Variants in SP4 observed in about 807,000 individuals in gnomAD.
The protein encoded by SP4 is transcription factor Sp4.
A neutral mutation model predicts 72.8 loss-of-function variants in SP4; 19 were observed. That is an observed-to-expected ratio of 0.26 (90% CI 0.18 to 0.38). SP4 has a LOEUF of 0.38. SP4 is among the 10% of genes least tolerant of loss of function. The pLI is 1.00. For synonymous variants in SP4, 395 were observed against 333.1 expected (o/e 1.19, Z -2.02); for missense variants, 1,008 against 926.3 (o/e 1.09, Z -1.14).
intron 3 of SP4, among the ~76,000 whole-genome samples, chr7:21,472,642 T>TA (rs1315607307): frequency 6.6e-6 from 1 of 151,474 alleles, no homozygotes; most frequent in Non-Finnish European, 1.5e-5. Flanking sequence ...GTGCTGATTT[T>TA]AAAAAATTGC....
At chr7:21,460,468 G>A (rs995336059) in intron 3 of SP4, among the ~76,000 whole-genome samples, 1 of 151,926 alleles carries the variant, frequency 6.6e-6, no homozygotes, top group African/African-American at 2.4e-5. Context: ...GCTCATAAAG[G>A]CAGTGTGGAC....
intron 5 of SP4, among the ~76,000 whole-genome samples, chr7:21,487,599 T>A (rs982575236): frequency 1.3e-5 from 2 of 152,148 alleles, no homozygotes; most frequent in Admixed American, 1.3e-4. Context: ...TCTCATTGTA[T>A]GGATGCAGGT....
At chr7:21,443,790 G>A (rs1424305261) in intron 3 of SP4, among the ~76,000 whole-genome samples, 4 of 152,126 alleles carry the variant, frequency 2.6e-5, no homozygotes, top group Non-Finnish European at 5.9e-5. Context: ...AAGTACTAAC[G>A]GGATTTATAT....
chr7:21,469,564 C>T (rs1421590832), intron 3 of SP4, among the ~76,000 whole-genome samples: 5 of 135,662 alleles, frequency 3.7e-5, no homozygotes, highest in African/African-American at 5.6e-5. Context: ...TTTTTTGAGA[C>T]GGAGTCTTGC....
At chr7:21,493,653 G>C (rs1306250064) in intron 5 of SP4, among the ~76,000 whole-genome samples, 2 of 152,172 alleles carry the variant, frequency 1.3e-5, no homozygotes, top group Non-Finnish European at 2.9e-5. Context: ...AGAAGAGATA[G>C]ATAGCATGAA....
chr7:21,459,175 A>G (rs1192643813), intron 3 of SP4, among the ~76,000 whole-genome samples: 1 of 152,190 alleles, frequency 6.6e-6, no homozygotes, highest in Non-Finnish European at 1.5e-5. Flanking sequence ...GCTGGAGTGC[A>G]GTGGCGCGAT....
intron 3 of SP4, among the ~76,000 whole-genome samples, chr7:21,449,958 T>TA (rs2128398128): frequency 6.6e-6 from 1 of 152,284 alleles, no homozygotes; most frequent in East Asian, 1.9e-4. Flanking sequence ...TTCCAATTGA[T>TA]ACAGTTTCTC....
At chr7:21,474,584 A>G (rs1035006545) in intron 3 of SP4, among the ~76,000 whole-genome samples, 2 of 152,240 alleles carry the variant, frequency 1.3e-5, no homozygotes, top group African/African-American at 4.8e-5. Context: ...CAAAATAATT[A>G]TACCTTTTGT....
chr7:21,481,783 GA>G lies in SP4; in HGVS notation c.1908-140del, dbSNP rs1164989692. ...TTTTGTCTTTAACTGAAAATTTTCT[GA>G]TTTGAACTACAGTTATGGCATCATG... On this transcript the variant is annotated intron_variant, in intron 4 of 5. Coordinates refer to ENST00000222584, the MANE Select transcript of SP4 (RefSeq NM_003112.5). 1.1e-5 allele frequency: 7 copies of G among 644,752 alleles called. No homozygotes were observed. In the East Asian group the frequency reaches 1.6e-4, roughly 15 times the overall value. 39.9% of individuals were successfully genotyped at this position (644,752 alleles called of 1,614,324 possible). A position where few individuals can be genotyped will look rare whatever the true frequency, so the allele number is the denominator to read the frequency against.
chr7:21,456,656 A>G (rs764009870), intron 3 of SP4, among the ~76,000 whole-genome samples: 1 of 152,206 alleles, frequency 6.6e-6, no homozygotes, highest in African/African-American at 2.4e-5. Context: ...CAGATTACCC[A>G]CAGGGAAAAC....
At chr7:21,495,776 C>G (rs910227877) in intron 5 of SP4, among the ~76,000 whole-genome samples, 11 of 152,064 alleles carry the variant, frequency 7.2e-5, no homozygotes, top group Non-Finnish European at 1.5e-4. Context: ...GAACTGTGTT[C>G]ACACAAAAAA....
At chr7:21,452,741 G>GT (rs1783637827) in intron 3 of SP4, among the ~76,000 whole-genome samples, 1 of 151,428 alleles carries the variant, frequency 6.6e-6, no homozygotes, top group African/African-American at 2.4e-5. Flanking sequence ...TCTGAGAGAA[G>GT]TATGTTCCAA....
chr7:21,510,029 A>G (rs1361358997), intron 5 of SP4, among the ~76,000 whole-genome samples: 1 of 152,180 alleles, frequency 6.6e-6, no homozygotes. Context: ...TGATAAAACT[A>G]TCGTATCTTG....
intron 5 of SP4, 51 bp downstream of exon 5, chr7:21,482,174 A>T: frequency 1.4e-6 from 2 of 1,457,104 alleles, no homozygotes; most frequent in Non-Finnish European, 1.9e-6. Context: ...CAGTTTTTAC[A>T]TGAAAATTTT....
chr7:21,479,024 C>T (rs1240650324), intron 4 of SP4, among the ~76,000 whole-genome samples: 5 of 150,822 alleles, frequency 3.3e-5, no homozygotes, highest in Non-Finnish European at 4.4e-5. Flanking sequence ...GCCGAGATCG[C>T]GCCACTGCAC....
chr7:21,506,326 G>T (rs182763567), intron 5 of SP4, among the ~76,000 whole-genome samples: 252 of 152,168 alleles, frequency 1.7e-3, no homozygotes, highest in African/African-American at 5.6e-3. Flanking sequence ...TTCCTGGTGG[G>T]ATCTACTCAG....
intron 3 of SP4, among the ~76,000 whole-genome samples, chr7:21,475,730 A>G (rs1387188136): frequency 6.6e-6 from 1 of 152,176 alleles, no homozygotes; most frequent in Admixed American, 6.6e-5. Context: ...CCAAAGTGAC[A>G]TATTTTATTC....
chr7:21,472,303 G>T (rs1467546585), intron 3 of SP4, among the ~76,000 whole-genome samples: 1 of 152,000 alleles, frequency 6.6e-6, no homozygotes, highest in African/African-American at 2.4e-5. Context: ...GTTTTTGAGA[G>T]GGACTTTCTC....
At chr7:21,497,869 T>C (rs902954274) in intron 5 of SP4, among the ~76,000 whole-genome samples, 2 of 152,212 alleles carry the variant, frequency 1.3e-5, no homozygotes, top group Non-Finnish European at 2.9e-5. Context: ...GAAAAATCAC[T>C]CATTATGCAG....
Sources: gnomAD v4.1 joint callset for allele counts (sites outside exome capture counted in the v4.1 genomes callset) on GRCh38, gnomAD v4.1.1 for gene constraint, MANE v1.5 for transcripts, NCBI Gene and HGNC (gene_info 2026-07-23, HGNC 2026-07-21) for gene names.